Variants in CECR2 observed in about 807,000 individuals in gnomAD.
CECR2 encodes the protein CECR2 histone acetyl-lysine reader.
In CECR2, 30 loss-of-function variants were observed where a neutral mutation model predicts 154.5. That is an observed-to-expected ratio of 0.19 (90% confidence interval 0.15 to 0.26). CECR2 has a LOEUF of 0.26. Ranked by LOEUF, CECR2 falls within the 10% of genes least tolerant of loss-of-function variation. CECR2 has a pLI of 1.00. For missense variants in CECR2, 1,743 were observed against 1,829.3 expected (o/e 0.95, Z 0.86); for synonymous variants, 725 against 683.7 (o/e 1.06, Z -0.94).
intron 8 of CECR2, among the ~76,000 whole-genome samples, chr22:17,521,517 T>TC (rs1308948894): frequency 2.0e-5 from 2 of 98,144 alleles, no homozygotes; most frequent in Non-Finnish European, 1.9e-5. Context: ...AGAGCGAGAC[T>TC]CCATCTCAAA....
intron 1 of CECR2, among the ~76,000 whole-genome samples, chr22:17,445,794 T>C (rs2054652830): frequency 1.3e-5 from 2 of 152,002 alleles, no homozygotes; most frequent in Non-Finnish European, 1.5e-5. Context: ...GGTTTTGCCA[T>C]GTTGGCCAGG....
At chr22:17,450,603 G>T (rs981700172) in intron 1 of CECR2, among the ~76,000 whole-genome samples, 1 of 152,216 alleles carries the variant, frequency 6.6e-6, no homozygotes, top group African/African-American at 2.4e-5. Context: ...GCAGTGAAAA[G>T]ATCTCCTGGT....
intron 1 of CECR2, among the ~76,000 whole-genome samples, chr22:17,469,320 A>G (rs1355171366): frequency 2.0e-5 from 3 of 152,180 alleles, no homozygotes; most frequent in African/African-American, 7.2e-5. Flanking sequence ...TTTGGGGGAC[A>G]CACTGAGACC....
intron 1 of CECR2, among the ~76,000 whole-genome samples, chr22:17,377,591 T>G (rs925730145): frequency 6.6e-6 from 1 of 152,180 alleles, no homozygotes; most frequent in African/African-American, 2.4e-5. Context: ...TTCTTATATC[T>G]CATGTCATCA....
intron 2 of CECR2, among the ~76,000 whole-genome samples, chr22:17,491,477 T>G (rs139940060): frequency 7.9e-4 from 120 of 152,152 alleles, no homozygotes; most frequent in African/African-American, 2.7e-3. Context: ...CTTCTGCTTT[T>G]TGTTCCTTTG....
intron 1 of CECR2, among the ~76,000 whole-genome samples, chr22:17,391,161 A>G (rs1260797450): frequency 6.6e-6 from 1 of 152,214 alleles, no homozygotes; most frequent in African/African-American, 2.4e-5. Context: ...TTATACTCAC[A>G]TTTAGGAAAA....
chr22:17,374,627 A>G (rs1008432612), intron 1 of CECR2, among the ~76,000 whole-genome samples: 1 of 152,200 alleles, frequency 6.6e-6, no homozygotes, highest in Non-Finnish European at 1.5e-5. Flanking sequence ...TACTTTTGTG[A>G]CACAAGATGT....
intron 7 of CECR2, among the ~76,000 whole-genome samples, chr22:17,506,145 C>A (rs1047205741): frequency 6.6e-6 from 1 of 152,112 alleles, no homozygotes; most frequent in Non-Finnish European, 1.5e-5. Flanking sequence ...CTGTGCCCAG[C>A]TTTTATTGCT....
chr22:17,507,009 A>T (rs1016185241), intron 7 of CECR2, among the ~76,000 whole-genome samples: 1 of 152,176 alleles, frequency 6.6e-6, no homozygotes, highest in African/African-American at 2.4e-5. Flanking sequence ...CTTATTTCAT[A>T]TCGATAATAA....
chr22:17,463,317 G>T (rs2054973215), intron 1 of CECR2, among the ~76,000 whole-genome samples: 1 of 152,154 alleles, frequency 6.6e-6, no homozygotes, highest in Non-Finnish European at 1.5e-5. Flanking sequence ...AGTTCTAAAG[G>T]AGACATTGGT....
chr22:17,549,534 G>T lies in CECR2; in HGVS notation c.4247G>T (p.Gly1416Val). 6 of 1,599,894 alleles carry T rather than the reference G, an allele frequency of 3.8e-6. No homozygotes were observed. The highest frequency in any genetic ancestry group is 5.1e-6 in the Non-Finnish European group (6 of 1,173,436). Residue 1416 changes from glycine (G) to valine (V), a missense_variant, in exon 17 of 19, where the codon GGA becomes GTA. Coordinates refer to ENST00000262608, the MANE Select transcript of CECR2 (RefSeq NM_001290047.2). Reference sequence around the variant, plus strand: ...ATTGGCACTAGAAGTGGAATAAGAGGACCTTTCCAGGAAATGTACAGACCA... The same window carrying T: ...ATTGGCACTAGAAGTGGAATAAGAGTACCTTTCCAGGAAATGTACAGACCA... ...EQIGTRSGIR[G>V]PFQEMYRPSG...
At chr22:17,477,141 T>C (rs1487375730) in intron 1 of CECR2, 1 of 726,018 alleles carries the variant, frequency 1.4e-6, no homozygotes, top group Non-Finnish European at 2.6e-6. Flanking sequence ...CTGTTGCAGA[T>C]GGTTTATCTC....
chr22:17,545,688 C>CA (rs2056602688), intron 16 of CECR2, among the ~76,000 whole-genome samples: 2 of 151,696 alleles, frequency 1.3e-5, no homozygotes, highest in Admixed American at 1.3e-4. Flanking sequence ...ACTAAAAATA[C>CA]AAAAATCAGC....
rs371696474 is a variant in CECR2, at chr22:17,552,676, A to C, written c.4390-159A>C. On this transcript the variant is annotated intron_variant, in intron 18 of 18. Coordinates refer to ENST00000262608, the MANE Select transcript of CECR2 (RefSeq NM_001290047.2). Reference sequence around the variant, plus strand: ...TGGGATCTGAATTGAGAAGTCCAGGACTCTAGAACCTACCCTCTGGAAGTA... The same window carrying C: ...TGGGATCTGAATTGAGAAGTCCAGGCCTCTAGAACCTACCCTCTGGAAGTA... 6.0e-5 allele frequency among the ~76,000 whole-genome samples: 9 copies of C among 151,220 alleles called. No homozygotes were observed. In the East Asian group the frequency reaches 1.4e-3, roughly 23 times the overall value.
chr22:17,374,784 G>T (rs920031425), intron 1 of CECR2, among the ~76,000 whole-genome samples: 2 of 152,134 alleles, frequency 1.3e-5, no homozygotes, highest in African/African-American at 2.4e-5. Context: ...CTCCTTAGCC[G>T]GCCTTAACCA....
intron 1 of CECR2, among the ~76,000 whole-genome samples, chr22:17,410,550 C>T (rs570530312): frequency 2.2e-4 from 33 of 152,156 alleles, no homozygotes; most frequent in South Asian, 8.3e-4. Context: ...TGAATTCAAA[C>T]GATTCTCCTG....
chr22:17,490,143 T>TGTGTG (rs1555917174), intron 2 of CECR2, among the ~76,000 whole-genome samples: 10 of 119,414 alleles, frequency 8.4e-5, no homozygotes, highest in African/African-American at 3.7e-4. Flanking sequence ...TTACTGTTTT[T>TGTGTG]TTTTTGTGTG....
At chr22:17,466,032 A>G (rs1259131166) in intron 1 of CECR2, among the ~76,000 whole-genome samples, 2 of 151,898 alleles carry the variant, frequency 1.3e-5, no homozygotes, top group Admixed American at 6.6e-5. Flanking sequence ...TATTTATATT[A>G]TTATTTTGAG....
At chr22:17,522,914 A>C (rs747059450) in intron 8 of CECR2, among the ~76,000 whole-genome samples, 1 of 151,890 alleles carries the variant, frequency 6.6e-6, no homozygotes, top group African/African-American at 2.4e-5. Context: ...CTAAGGCAGG[A>C]GAATCACTTG....
Sources: allele counts gnomAD v4.1 joint callset (sites outside exome capture counted in the v4.1 genomes callset), GRCh38; gene constraint gnomAD v4.1.1; transcripts MANE v1.5; gene names NCBI Gene and HGNC (gene_info 2026-07-23, HGNC 2026-07-21).